Variants in SPMIP2 observed in about 807,000 individuals in gnomAD.
SPMIP2 encodes sperm microtubule inner protein 2.
chr4:158,905,380 T>G, the SPMIP2 span: 43 of 152,216 alleles, frequency 2.8e-4, no homozygotes, highest in African/African-American at 1.0e-3. Flanking sequence ...TTACCAAAGT[T>G]ATTTCTATAA....
chr4:158,915,575 G>A, the SPMIP2 span, among the ~76,000 whole-genome samples: 12 of 152,300 alleles, frequency 7.9e-5, no homozygotes, highest in Middle Eastern at 3.4e-3. Flanking sequence ...CCACCCCCAA[G>A]ATGGACACCT....
chr4:158,904,098 G>A, the SPMIP2 span, among the ~76,000 whole-genome samples: 3 of 152,288 alleles, frequency 2.0e-5, no homozygotes, highest in South Asian at 6.2e-4. Context: ...TAGAAGTGTT[G>A]ACTGGAAGAA....
At chr4:159,051,050 T>C in the SPMIP2 span, among the ~76,000 whole-genome samples, 1 of 148,656 alleles carries the variant, frequency 6.7e-6, no homozygotes, top group Non-Finnish European at 1.5e-5. Flanking sequence ...GAGGTTGCAG[T>C]GAGCCAAGAT....
the SPMIP2 span, among the ~76,000 whole-genome samples, chr4:158,948,591 G>GTT: frequency 2.4e-5 from 3 of 125,978 alleles, no homozygotes; most frequent in Non-Finnish European, 5.4e-5. Flanking sequence ...TATGTGGTTT[G>GTT]TTTTTTTTTT....
the SPMIP2 span, among the ~76,000 whole-genome samples, chr4:158,911,761 A>G: frequency 2.4e-3 from 366 of 152,338 alleles, 1 homozygote; most frequent in African/African-American, 8.6e-3. Context: ...AGTGATTTGC[A>G]TGACCTTTAA....
chr4:158,955,747 G>T, the SPMIP2 span, among the ~76,000 whole-genome samples: 1 of 152,030 alleles, frequency 6.6e-6, no homozygotes, highest in East Asian at 1.9e-4. Flanking sequence ...GTTTTACACT[G>T]GAGGCCAAAA....
chr4:159,027,677 A>C, the SPMIP2 span, among the ~76,000 whole-genome samples: 9 of 152,226 alleles, frequency 5.9e-5, no homozygotes, highest in Non-Finnish European at 1.2e-4. Context: ...ACCACTGGCA[A>C]TTCAGTGTGA....
the SPMIP2 span, among the ~76,000 whole-genome samples, chr4:159,011,011 G>A: frequency 2.6e-4 from 40 of 151,900 alleles, no homozygotes; most frequent in Admixed American, 1.3e-4. Flanking sequence ...ACCACATGAT[G>A]TCTCTCTTTG....
At chr4:159,044,605 G>A in the SPMIP2 span, among the ~76,000 whole-genome samples, 17 of 152,236 alleles carry the variant, frequency 1.1e-4, no homozygotes, top group South Asian at 3.3e-3. Flanking sequence ...CAAGAAGAGT[G>A]TGGGAAAAAT....
chr4:158,921,790 G>T, the SPMIP2 span, among the ~76,000 whole-genome samples: 29 of 152,190 alleles, frequency 1.9e-4, no homozygotes, highest in Admixed American at 3.3e-4. Context: ...TGCTATAGGG[G>T]TGACAGTGTT....
the SPMIP2 span, among the ~76,000 whole-genome samples, chr4:158,951,559 C>T: frequency 6.6e-6 from 1 of 152,250 alleles, no homozygotes; most frequent in African/African-American, 2.4e-5. Context: ...TTAAATTCCC[C>T]CATTTTACGA....
chr4:158,927,656 G>A, the SPMIP2 span, among the ~76,000 whole-genome samples: 1 of 152,242 alleles, frequency 6.6e-6, no homozygotes, highest in South Asian at 2.1e-4. Flanking sequence ...TTTCTGGGCT[G>A]GCCAAGGCCA....
At chr4:158,969,623 T>C in the SPMIP2 span, among the ~76,000 whole-genome samples, 1 of 152,170 alleles carries the variant, frequency 6.6e-6, no homozygotes, top group Non-Finnish European at 1.5e-5. Flanking sequence ...ATTATCTTCC[T>C]GCAAAAAGCC....
the SPMIP2 span, among the ~76,000 whole-genome samples, chr4:159,068,498 C>T: frequency 3.8e-4 from 31 of 81,912 alleles, no homozygotes; most frequent in Admixed American, 7.6e-4. Flanking sequence ...CATCACACAC[C>T]GGGGACTGTT....
the SPMIP2 span, among the ~76,000 whole-genome samples, chr4:158,997,705 T>C: frequency 1.3e-5 from 2 of 152,150 alleles, no homozygotes; most frequent in Non-Finnish European, 2.9e-5. Context: ...CTGGCTGGAG[T>C]GCAGTGGCAC....
the SPMIP2 span, among the ~76,000 whole-genome samples, chr4:158,928,397 T>G: frequency 2.6e-5 from 4 of 151,956 alleles, no homozygotes; most frequent in African/African-American, 9.7e-5. Flanking sequence ...CAGCACCCTG[T>G]GTCTAGCTCA....
chr4:158,951,629 T>C, the SPMIP2 span, among the ~76,000 whole-genome samples: 1 of 152,124 alleles, frequency 6.6e-6, no homozygotes, highest in East Asian at 1.9e-4. Context: ...TTATCCCAAG[T>C]AGAACAAAGA....
At chr4:158,947,492 A>G in the SPMIP2 span, among the ~76,000 whole-genome samples, 6 of 152,200 alleles carry the variant, frequency 3.9e-5, no homozygotes, top group Non-Finnish European at 5.9e-5. Flanking sequence ...TTTGGCATGG[A>G]AAGTCCTAGC....
chr4:159,079,819 T>A, the SPMIP2 span, among the ~76,000 whole-genome samples: 1 of 152,246 alleles, frequency 6.6e-6, no homozygotes, highest in East Asian at 1.9e-4. Context: ...AGATTTTTAG[T>A]AATAGGAAAA....
Sources: gnomAD v4.1 joint callset for allele counts (sites outside exome capture counted in the v4.1 genomes callset) on GRCh38, gnomAD v4.1.1 for gene constraint, MANE v1.5 for transcripts, NCBI Gene and HGNC (gene_info 2026-07-23, HGNC 2026-07-21) for gene names.